The following PHF21A variants were observed in gnomAD, a reference collection of about 807,000 sequenced individuals.
PHF21A encodes PHD finger protein 21A.
PHF21A carries 11 observed loss-of-function variants against 82.5 expected under a neutral mutation model. The observed-to-expected ratio is 0.13, with a 90% CI of 0.08 to 0.22. The LOEUF is 0.22. Among genes scored for constraint, PHF21A ranks in the 10% least tolerant of loss-of-function variants. PHF21A has a pLI of 1.00. For missense variants in PHF21A, 579 were observed against 837.8 expected (o/e 0.69, Z 3.81); for synonymous variants, 297 against 302.8 (o/e 0.98, Z 0.20).
chr11:46,021,993 G>A (rs1310768467), intron 6 of PHF21A, among the ~76,000 whole-genome samples: 4 of 152,222 alleles, frequency 2.6e-5, no homozygotes, highest in South Asian at 4.1e-4. Flanking sequence ...TGTGTGTGCA[G>A]TGTTCCAGTG....
chr11:46,093,031 C>G (rs901968982), intron 1 of PHF21A, among the ~76,000 whole-genome samples: 2 of 152,174 alleles, frequency 1.3e-5, no homozygotes, highest in African/African-American at 4.8e-5. Context: ...GCTGGGATTA[C>G]AGGTGTGAGC....
At position 46,115,470 on chromosome 11, in the gene PHF21A, T is replaced by C. The variant is rs145328083; in HGVS notation, c.-237+5465A>G. On this transcript the variant is annotated intron_variant, in intron 1 of 18. Coordinates refer to ENST00000676320, the MANE Select transcript of PHF21A (RefSeq NM_001352027.3). The stretch of plus-strand genomic sequence containing the variant: ...ATACAAAGTAGAAAACATAAGCTAT[T>C]TAAGAAATAATTATCTACAATAAAT... 9.9e-5 allele frequency among the ~76,000 whole-genome samples: 15 copies of C among 152,272 alleles called. No homozygotes were observed. The East Asian group carries it at 2.9e-3, about 29-fold the overall frequency.
chr11:45,934,272 A>G, intron 18 of PHF21A, 47 bp from the exon 19 acceptor site: 1 of 1,578,088 alleles, frequency 6.3e-7, no homozygotes, highest in Non-Finnish European at 8.6e-7. Flanking sequence ...CTGGTTTCTA[A>G]CAGGCCTGGC....
intron 1 of PHF21A, among the ~76,000 whole-genome samples, chr11:46,106,560 T>C (rs1438247925): frequency 2.0e-5 from 3 of 152,240 alleles, no homozygotes; most frequent in African/African-American, 4.8e-5. Flanking sequence ...CTTCGAGATA[T>C]GATGATTTCA....
At chr11:45,970,963 C>A in intron 8 of PHF21A, 153 bp downstream of exon 8, 1 of 893,156 alleles carries the variant, frequency 1.1e-6, no homozygotes, top group Non-Finnish European at 1.7e-6. Context: ...GCAGAAATGC[C>A]ATATTCCCTT....
intron 7 of PHF21A, among the ~76,000 whole-genome samples, chr11:45,978,663 A>G (rs2094150303): frequency 6.6e-6 from 1 of 152,208 alleles, no homozygotes; most frequent in African/African-American, 2.4e-5. Context: ...AAATGAGTGT[A>G]TTAAGTGTGA....
intron 1 of PHF21A, among the ~76,000 whole-genome samples, chr11:46,118,323 A>G (rs1851956199): frequency 6.6e-6 from 1 of 152,116 alleles, no homozygotes; most frequent in African/African-American, 2.4e-5. Flanking sequence ...AAAGCATTCA[A>G]TAGCACCCAA....
intron 18 of PHF21A, 37 bp downstream of exon 18, chr11:45,935,599 C>T (rs2088755504): frequency 1.0e-6 from 1 of 983,774 alleles, no homozygotes; most frequent in South Asian, 1.3e-5. Flanking sequence ...GTCTCTGCAC[C>T]TATGTATCGA....
At chr11:45,944,203 T>C (rs928457826) in intron 15 of PHF21A, among the ~76,000 whole-genome samples, 1 of 152,224 alleles carries the variant, frequency 6.6e-6, no homozygotes, top group African/African-American at 2.4e-5. Context: ...ATTTGATAAA[T>C]GCATTGTACC....
chr11:45,960,068 G>C (rs2092978355), intron 10 of PHF21A, among the ~76,000 whole-genome samples: 2 of 152,228 alleles, frequency 1.3e-5, no homozygotes, highest in Non-Finnish European at 1.5e-5. Context: ...GAATGCTCAT[G>C]TACTGCCTTT....
intron 3 of PHF21A, among the ~76,000 whole-genome samples, chr11:46,085,155 A>G (rs990731845): frequency 6.6e-6 from 1 of 152,192 alleles, no homozygotes; most frequent in Admixed American, 6.5e-5. Context: ...TAACAAATTA[A>G]TACTCAAAAC....
chr11:46,045,218 T>C (rs893208021), intron 6 of PHF21A, among the ~76,000 whole-genome samples: 39 of 152,208 alleles, frequency 2.6e-4, no homozygotes, highest in African/African-American at 8.4e-4. Context: ...TCATTATCTA[T>C]ACCACATGCT....
intron 6 of PHF21A, among the ~76,000 whole-genome samples, chr11:46,064,910 G>A (rs2096576950): frequency 6.6e-6 from 1 of 152,182 alleles, no homozygotes; most frequent in African/African-American, 2.4e-5. Context: ...CCTAAAGCAG[G>A]CTGCTAGCTA....
At chr11:46,020,587 C>T (rs1207080810) in intron 6 of PHF21A, among the ~76,000 whole-genome samples, 1 of 152,174 alleles carries the variant, frequency 6.6e-6, no homozygotes, top group African/African-American at 2.4e-5. Context: ...ATATAAAATA[C>T]TATCCTCTTC....
intron 6 of PHF21A, among the ~76,000 whole-genome samples, chr11:46,060,921 T>C (rs2096527793): frequency 6.6e-6 from 1 of 152,258 alleles, no homozygotes; most frequent in Non-Finnish European, 1.5e-5. Context: ...TGAGGTTATC[T>C]ACCAGGGTTT....
intron 15 of PHF21A, among the ~76,000 whole-genome samples, chr11:45,941,792 G>A (rs1231160435): frequency 3.9e-5 from 6 of 152,274 alleles, no homozygotes; most frequent in African/African-American, 1.2e-4. Flanking sequence ...TTTGCTAGGC[G>A]CTGAGGACGT....
At chr11:46,020,580 T>TA (rs778301159) in intron 6 of PHF21A, among the ~76,000 whole-genome samples, 1 of 152,226 alleles carries the variant, frequency 6.6e-6, no homozygotes, top group Non-Finnish European at 1.5e-5. Flanking sequence ...ATCTAGAATA[T>TA]AAAATACTAT....
In PHF21A at chr11:45,948,814, A is replaced by C. The variant is rs561876912; in HGVS notation, c.1288+72T>G. On this transcript the variant is annotated intron_variant, in intron 14 of 18. Transcript: ENST00000676320. ...AGTTAGGTCCTATAATGATGGGAGG[A>C]GGGAAGGAGAAGAAACACACACACA... is the stretch of plus-strand genomic sequence containing the variant. 3.2e-5 allele frequency: 33 copies of C among 1,025,028 alleles called. 1 individual carries two copies. In the African/African-American group the frequency reaches 4.6e-4, roughly 14 times the overall value. The allele number at this position is 1,025,028 out of a possible 1,614,324, so 63.5% of individuals were successfully genotyped here.
chr11:45,971,890 C>CTTTCTTTTTTTTTCTTTTTTTT (rs57081937), intron 7 of PHF21A, among the ~76,000 whole-genome samples: 1 of 50,294 alleles, frequency 2.0e-5, no homozygotes, highest in African/African-American at 6.3e-5. Context: ...CTTTTTCTTT[C>CTTTCTTTTTTTTTCTTTTTTTT]TTTTTTTTTT....
Sources: gnomAD v4.1 joint callset for allele counts (sites outside exome capture counted in the v4.1 genomes callset) on GRCh38, gnomAD v4.1.1 for gene constraint, MANE v1.5 for transcripts, NCBI Gene and HGNC (gene_info 2026-07-23, HGNC 2026-07-21) for gene names.